The following KCNQ5 variants were observed in gnomAD, a reference collection of about 807,000 sequenced individuals.
KCNQ5 encodes potassium voltage-gated channel subfamily KQT member 5.
Under a neutral mutation model 98.2 loss-of-function variants are expected in KCNQ5, and 30 were observed. The ratio of observed to expected loss-of-function variants is 0.31; its 90% CI spans 0.23 to 0.41. The LOEUF (loss-of-function observed/expected upper bound fraction) is 0.41. Among genes scored for constraint, KCNQ5 ranks in the 10% least tolerant of loss-of-function variants. The pLI is 1.00. For missense variants in KCNQ5, 835 were observed against 1,182.5 expected (o/e 0.71, Z 4.31); for synonymous variants, 458 against 449.4 (o/e 1.02, Z -0.24).
At chr6:72,820,970 A>C (rs79483744) in intron 1 of KCNQ5, among the ~76,000 whole-genome samples, 1 of 152,204 alleles carries the variant, frequency 6.6e-6, no homozygotes, top group Non-Finnish European at 1.5e-5. Context: ...TGGAGAAAAG[A>C]AGCTGATATA....
At chr6:73,178,481 G>C (rs1778296818) in intron 11 of KCNQ5, among the ~76,000 whole-genome samples, 1 of 148,544 alleles carries the variant, frequency 6.7e-6, no homozygotes, top group Non-Finnish European at 1.5e-5. Flanking sequence ...TGCATATAAA[G>C]GACAATAATG....
chr6:73,158,512 C>T (rs1422724521), intron 10 of KCNQ5, among the ~76,000 whole-genome samples: 3 of 152,020 alleles, frequency 2.0e-5, no homozygotes, highest in Non-Finnish European at 4.4e-5. Context: ...GGGATCCGCG[C>T]GCCTCAGCCT....
chr6:72,768,255 C>G (rs1380352890), intron 1 of KCNQ5, among the ~76,000 whole-genome samples: 7 of 151,484 alleles, frequency 4.6e-5, no homozygotes. Flanking sequence ...TACAAGGAGA[C>G]CAGATGACTG....
intron 1 of KCNQ5, among the ~76,000 whole-genome samples, chr6:72,679,492 A>G (rs940036354): frequency 1.0e-4 from 15 of 147,762 alleles, no homozygotes; most frequent in African/African-American, 2.5e-4. Flanking sequence ...CAAACACCGC[A>G]TATTCTCACT....
chr6:72,641,733 A>C (rs914928486), intron 1 of KCNQ5, among the ~76,000 whole-genome samples: 2 of 152,102 alleles, frequency 1.3e-5, no homozygotes, highest in Non-Finnish European at 2.9e-5. Context: ...TGAATGAATT[A>C]TGAAGGAGAA....
At chr6:73,146,518 G>C (rs1776929092) in intron 10 of KCNQ5, among the ~76,000 whole-genome samples, 1 of 151,240 alleles carries the variant, frequency 6.6e-6, no homozygotes, top group African/African-American at 2.4e-5. Flanking sequence ...CCAGCCACTT[G>C]GGAGGCTGAG....
chr6:72,897,484 G>C (rs1779299505), intron 1 of KCNQ5, among the ~76,000 whole-genome samples: 2 of 152,090 alleles, frequency 1.3e-5, no homozygotes, highest in African/African-American at 4.8e-5. Flanking sequence ...AGCTGTTGCG[G>C]GGAGCCGAGA....
chr6:72,693,887 A>G (rs1029794787), intron 1 of KCNQ5, among the ~76,000 whole-genome samples: 48 of 152,198 alleles, frequency 3.2e-4, no homozygotes, highest in African/African-American at 1.1e-3. Context: ...TAGAGTAAAG[A>G]AAGAAATTTA....
intron 1 of KCNQ5, among the ~76,000 whole-genome samples, chr6:72,848,832 T>C (rs1228147602): frequency 6.6e-6 from 1 of 152,136 alleles, no homozygotes; most frequent in African/African-American, 2.4e-5. Context: ...CACTTCTCCT[T>C]GCTGCTGCCA....
At chr6:72,868,355 C>G (rs1778076070) in intron 1 of KCNQ5, among the ~76,000 whole-genome samples, 1 of 152,128 alleles carries the variant, frequency 6.6e-6, no homozygotes, top group South Asian at 2.1e-4. Context: ...GAGATAAAAT[C>G]AGCTTCCTCA....
In KCNQ5 at chr6:73,170,418, C is replaced by A. The variant is rs967697994; in HGVS notation, c.1577+564C>A. Among the ~76,000 whole-genome samples, 72 of 105,782 alleles carry A rather than the reference C, an allele frequency of 6.8e-4. 1 individual carries two copies. Among genetic ancestry groups the A allele is most frequent in the African/African-American group, 2.8e-3 (61 of 22,078 alleles). The allele number at this position is 105,782 out of a possible 152,430, so 69.4% of individuals were successfully genotyped here. On this transcript the variant is annotated intron_variant, in intron 11 of 13. Transcript: ENST00000370398. Reference sequence around the variant, plus strand: ...AATTTACCTTTTCCATGACCTTTCCCACCACACACACACACACACACACAC... The same window carrying A: ...AATTTACCTTTTCCATGACCTTTCCAACCACACACACACACACACACACAC...
chr6:72,725,433 G>A (rs1770214888), intron 1 of KCNQ5, among the ~76,000 whole-genome samples: 1 of 152,086 alleles, frequency 6.6e-6, no homozygotes, highest in African/African-American at 2.4e-5. Flanking sequence ...AAGTGTAGTA[G>A]AAAAAGAGAA....
At chr6:73,030,304 G>A (rs1771083056) in intron 2 of KCNQ5, among the ~76,000 whole-genome samples, 1 of 152,040 alleles carries the variant, frequency 6.6e-6, no homozygotes, top group Non-Finnish European at 1.5e-5. Flanking sequence ...CTGTTAACAG[G>A]GCCTCCTGTC....
At chr6:72,715,050 G>A (rs1274625243) in intron 1 of KCNQ5, among the ~76,000 whole-genome samples, 1 of 152,104 alleles carries the variant, frequency 6.6e-6, no homozygotes, top group African/African-American at 2.4e-5. Context: ...AAATAACATA[G>A]TATTTGTTCC....
chr6:73,186,400 A>C (rs1778573384), intron 11 of KCNQ5, among the ~76,000 whole-genome samples: 1 of 152,232 alleles, frequency 6.6e-6, no homozygotes, highest in South Asian at 2.1e-4. Flanking sequence ...CTCCATCTTC[A>C]AAAACTTAAT....
At chr6:72,881,987 G>A (rs766243590) in intron 1 of KCNQ5, among the ~76,000 whole-genome samples, 3 of 152,082 alleles carry the variant, frequency 2.0e-5, no homozygotes, top group Non-Finnish European at 2.9e-5. Flanking sequence ...CACCACACCC[G>A]GCTGTATGTA....
At chr6:73,106,043 T>C (rs2051021) in intron 6 of KCNQ5, among the ~76,000 whole-genome samples, 145,629 of 152,186 alleles carry the variant, frequency 0.96, 69,671 homozygotes, top group South Asian at 0.98. Flanking sequence ...GTTCGCTCCA[T>C]CTGGGGTAGG....
chr6:72,829,883 G>A (rs1272785424), intron 1 of KCNQ5, among the ~76,000 whole-genome samples: 1 of 152,168 alleles, frequency 6.6e-6, no homozygotes. Flanking sequence ...AATTCCAAAT[G>A]TGGGCTGAGG....
intron 1 of KCNQ5, among the ~76,000 whole-genome samples, chr6:72,868,215 T>C (rs1778070857): frequency 6.6e-6 from 1 of 152,182 alleles, no homozygotes. Flanking sequence ...GCAGAGTTTC[T>C]TTTAAAAAAA....
Sources: allele counts gnomAD v4.1 joint callset (sites outside exome capture counted in the v4.1 genomes callset), GRCh38; gene constraint gnomAD v4.1.1; transcripts MANE v1.5; gene names NCBI Gene and HGNC (gene_info 2026-07-23, HGNC 2026-07-21).